Variants in IPCEF1 observed in about 807,000 individuals in gnomAD.
The protein encoded by IPCEF1 is interaction protein for cytohesin exchange factors 1.
In IPCEF1, 31 loss-of-function variants were observed where a neutral mutation model predicts 50.9. The observed-to-expected ratio is 0.61, with a 90% CI of 0.46 to 0.82. The LOEUF (loss-of-function observed/expected upper bound fraction) is 0.82. IPCEF1 is among the 40% of genes least tolerant of loss of function. The probability of loss-of-function intolerance (pLI) is 0.00; values close to 1 mark genes in which losing one functional copy is unlikely to be tolerated. For missense variants in IPCEF1, 458 were observed against 514.0 expected (o/e 0.89, Z 1.05); for synonymous variants, 181 against 192.0 (o/e 0.94, Z 0.47).
intron 1 of IPCEF1, among the ~76,000 whole-genome samples, chr6:154,329,664 TA>T (rs34275264): frequency 0.29 from 42,581 of 147,108 alleles, 7,029 homozygotes; most frequent in East Asian, 0.64. Flanking sequence ...ATCCAAAAAC[TA>T]AAAAAAAAAC....
chr6:154,252,772 G>T (rs768351615), intron 3 of IPCEF1, among the ~76,000 whole-genome samples: 3 of 152,174 alleles, frequency 2.0e-5, no homozygotes, highest in African/African-American at 7.2e-5. Context: ...AGACCAATCC[G>T]AGTGGGTTGA....
At chr6:154,240,990 CA>C (rs1379164931) in intron 5 of IPCEF1, among the ~76,000 whole-genome samples, 13 of 152,062 alleles carry the variant, frequency 8.5e-5, no homozygotes, top group Non-Finnish European at 1.0e-4. Context: ...GTAATCCCAG[CA>C]CTTTGGGAGA....
intron 10 of IPCEF1, among the ~76,000 whole-genome samples, chr6:154,182,874 GAAC>G (rs1438599704): frequency 6.6e-6 from 1 of 152,162 alleles, no homozygotes; most frequent in East Asian, 1.9e-4. Flanking sequence ...TGAGACTAGG[GAAC>G]ACTTCAGGTC....
chr6:154,328,991 T>G (rs1783590551), intron 1 of IPCEF1, among the ~76,000 whole-genome samples: 1 of 152,210 alleles, frequency 6.6e-6, no homozygotes, highest in African/African-American at 2.4e-5. Context: ...GAAAAAAATT[T>G]ATATCTTTTT....
chr6:154,315,103 G>A (rs1486597546), intron 1 of IPCEF1, among the ~76,000 whole-genome samples: 3 of 152,048 alleles, frequency 2.0e-5, no homozygotes, highest in Admixed American at 6.6e-5. Flanking sequence ...GGCTAATCTC[G>A]AACTCCTGAC....
At chr6:154,173,540 G>C (rs753983752) in intron 10 of IPCEF1, among the ~76,000 whole-genome samples, 1 of 152,176 alleles carries the variant, frequency 6.6e-6, no homozygotes, top group Non-Finnish European at 1.5e-5. Flanking sequence ...AGCTTCAACA[G>C]CCGATTCAAT....
At chr6:154,245,606 A>C (rs78652300) in intron 5 of IPCEF1, among the ~76,000 whole-genome samples, 1 of 152,222 alleles carries the variant, frequency 6.6e-6, no homozygotes, top group South Asian at 2.1e-4. Context: ...AATGACATGC[A>C]TGCCCACGTC....
chr6:154,196,367 T>C (rs1776624703), intron 10 of IPCEF1, among the ~76,000 whole-genome samples: 1 of 152,220 alleles, frequency 6.6e-6, no homozygotes, highest in Non-Finnish European at 1.5e-5. Flanking sequence ...GTCACTTTCC[T>C]GAAACATCAT....
At chr6:154,200,186 A>C in intron 9 of IPCEF1, 146 bp from the exon 10 acceptor site, 1 of 733,332 alleles carries the variant, frequency 1.4e-6, no homozygotes, top group Non-Finnish European at 2.1e-6. Context: ...AAGATATGAT[A>C]TTTATTTCTG....
intron 9 of IPCEF1, among the ~76,000 whole-genome samples, chr6:154,202,177 T>C (rs1379737512): frequency 3.9e-5 from 6 of 152,216 alleles, no homozygotes; most frequent in Non-Finnish European, 8.8e-5. Context: ...TTAAGTAGCA[T>C]GACATTAAAA....
At chr6:154,221,209 TAAGTA>T (rs1431953233) in intron 7 of IPCEF1, 43 bp downstream of exon 7, 1 of 1,359,082 alleles carries the variant, frequency 7.4e-7, no homozygotes. Flanking sequence ...AGGCTAAAGT[TAAGTA>T]TATTCCCATT....
intron 5 of IPCEF1, among the ~76,000 whole-genome samples, chr6:154,238,199 C>T (rs761753578): frequency 6.6e-6 from 1 of 152,128 alleles, no homozygotes; most frequent in East Asian, 1.9e-4. Flanking sequence ...GAAACAAATG[C>T]TTGGAAACAC....
chr6:154,298,954 C>A lies in IPCEF1; in HGVS notation c.-61-9198G>T, dbSNP rs1782730265. On this transcript the variant is annotated intron_variant, in intron 1 of 11. Coordinates refer to ENST00000367220, the MANE Select transcript of IPCEF1 (RefSeq NM_001130700.2). ...TCCGACCTGGGCAACAAGAGCGAAA[C>A]TCCATCTCAAAAAAAAAAAAAAGAT... is the stretch of plus-strand genomic sequence containing the variant. Among the ~76,000 whole-genome samples the A allele has an allele frequency of 1.5e-5, 2 of 131,576 alleles. 1 individual carries two copies. The highest frequency in any genetic ancestry group is 3.4e-5 in the Non-Finnish European group (2 of 58,684). The allele number at this position is 131,576 out of a possible 152,430, so 86.3% of individuals were successfully genotyped here.
chr6:154,304,742 T>C (rs1299482193), intron 1 of IPCEF1, among the ~76,000 whole-genome samples: 1 of 152,172 alleles, frequency 6.6e-6, no homozygotes, highest in Non-Finnish European at 1.5e-5. Flanking sequence ...CTGGGAAATT[T>C]CCTGCCTGTA....
chr6:154,197,934 T>C, intron 10 of IPCEF1, among the ~76,000 whole-genome samples: 1 of 152,224 alleles, frequency 6.6e-6, no homozygotes, highest in Non-Finnish European at 1.5e-5. Context: ...TTATTTTCTT[T>C]AGTTTCACCA....
chr6:154,266,583 TATAC>T (rs1781761372), intron 2 of IPCEF1, among the ~76,000 whole-genome samples: 2 of 139,248 alleles, frequency 1.4e-5, no homozygotes, highest in African/African-American at 5.5e-5. Flanking sequence ...TATATATATA[TATAC>T]ACACAAACAC....
At chr6:154,163,782 A>C (rs1171939033) in intron 11 of IPCEF1, among the ~76,000 whole-genome samples, 1 of 152,230 alleles carries the variant, frequency 6.6e-6, no homozygotes, top group Non-Finnish European at 1.5e-5. Flanking sequence ...AATCCTTTCC[A>C]TTAAACAAAA....
At chr6:154,225,042 A>C (rs763596266) in intron 5 of IPCEF1, among the ~76,000 whole-genome samples, 3 of 152,224 alleles carry the variant, frequency 2.0e-5, no homozygotes, top group Non-Finnish European at 4.4e-5. Flanking sequence ...TTAGATCTAC[A>C]GACTGAGTAT....
intron 1 of IPCEF1, among the ~76,000 whole-genome samples, chr6:154,292,132 G>A (rs9383700): frequency 0.77 from 116,733 of 152,134 alleles, 45,700 homozygotes; most frequent in African/African-American, 0.92. Context: ...GCATGTCTAC[G>A]GTCTCCTTTT....
Sources: gnomAD v4.1 joint callset for allele counts (sites outside exome capture counted in the v4.1 genomes callset) on GRCh38, gnomAD v4.1.1 for gene constraint, MANE v1.5 for transcripts, NCBI Gene and HGNC (gene_info 2026-07-23, HGNC 2026-07-21) for gene names.